The following DCAF15 variants were observed in gnomAD, a reference collection of about 807,000 sequenced individuals.
The protein encoded by DCAF15 is DDB1 and CUL4 associated factor 15, also known as DDB1- and CUL4-associated factor 15.
DCAF15 carries 24 observed loss-of-function variants against 68.0 expected under a neutral mutation model. That is an observed-to-expected ratio of 0.35 (90% CI 0.26 to 0.50). DCAF15 has a LOEUF of 0.50. Among genes scored for constraint, DCAF15 ranks in the 20% least tolerant of loss-of-function variants. The pLI is 0.98. For synonymous variants in DCAF15, 376 were observed against 341.6 expected, an observed-to-expected ratio of 1.10 and a Z score of -1.11; for missense variants, 627 against 830.6, an observed-to-expected ratio of 0.75 and a Z score of 3.01.
rs775206793 is a variant in DCAF15 at position 13,956,281 on chromosome 19, C to A, written c.613+19C>A. 2 of 1,611,426 alleles carry A rather than the reference C, an allele frequency of 1.2e-6. No individual in the cohort carries two copies. Among genetic ancestry groups the A allele is most frequent in the Non-Finnish European group, 1.7e-6 (2 of 1,179,026 alleles). The stretch of plus-strand genomic sequence containing the variant: ...CACCCAGGTGAGGGGGCCGAGGGGG[C>A]GAGGGCCTCTTCCCCCCTCCCCCCC... On this transcript the variant is annotated intron_variant, in intron 5 of 12. Transcript: ENST00000254337.
rs368117751 is a variant in DCAF15, at chr19:13,956,274, G to T, written c.613+12G>T. ...CCGAGCCCACCCAGGTGAGGGGGCCGAGGGGGCGAGGGCCTCTTCCCCCCT... is the reference window on the plus strand; with the variant it reads ...CCGAGCCCACCCAGGTGAGGGGGCCTAGGGGGCGAGGGCCTCTTCCCCCCT... On this transcript the variant is annotated intron_variant, in intron 5 of 12. Transcript: ENST00000254337. 6.2e-7 allele frequency: 1 copy of T among 1,611,984 alleles called. No homozygotes were observed. Among genetic ancestry groups the T allele is most frequent in the South Asian group, 1.1e-5 (1 of 90,996 alleles).
At chr19:13,956,559 T>A (rs946705172) in intron 6 of DCAF15, 37 bp downstream of exon 6, 2 of 1,606,664 alleles carry the variant, frequency 1.2e-6, no homozygotes, top group Non-Finnish European at 1.7e-6. Flanking sequence ...CGGCAACGCG[T>A]GAAGCGGGTC....
At chr19:13,953,204 C>T in intron 1 of DCAF15, 3 of 1,419,812 alleles carry the variant, frequency 2.1e-6, no homozygotes, top group Non-Finnish European at 1.9e-6. Flanking sequence ...CCGAAGCAGG[C>T]TCTGTCTCCT....
At position 13,959,564 on chromosome 19, in the gene DCAF15, C is replaced by A. The variant is rs371114810; in HGVS notation, c.1220-18C>A. On this transcript the variant is annotated intron_variant, in intron 7 of 12. Coordinates refer to ENST00000254337, the MANE Select transcript of DCAF15 (RefSeq NM_138353.4). Reference sequence around the variant, plus strand: ...CCCTGGCCTCCCTCCACCCCACCCCCACTTCCTGCCTCCCCAGAGTTGGAG... The same window carrying A: ...CCCTGGCCTCCCTCCACCCCACCCCAACTTCCTGCCTCCCCAGAGTTGGAG... The A allele has an allele frequency of 3.7e-6, 6 of 1,612,698 alleles. No individual in the cohort carries two copies. The highest frequency in any genetic ancestry group is 1.7e-5 in the Admixed American group (1 of 60,004).
Position 13,954,538 on chromosome 19 carries a change from G to A in DCAF15, c.243G>A (p.Leu81=). Residue 81 remains leucine, a synonymous_variant, in exon 3 of 13, where the codon CTG becomes CTA. Coordinates refer to ENST00000254337, the MANE Select transcript of DCAF15 (RefSeq NM_138353.4). ...EDFLYAGHIF[L]GFSKCGRYVL... is the part of the protein sequence containing the mutation. ...TCCACCCCCACAGACATATCTTCCT[G>A]GGCTTTTCCAAATGCGGCCGCTACG... The A allele has an allele frequency of 6.2e-7, 1 of 1,614,204 alleles. No individual in the cohort carries two copies. The highest frequency in any genetic ancestry group is 8.5e-7 in the Non-Finnish European group (1 of 1,180,034).
Position 13,959,610 on chromosome 19 carries a change from C to G in DCAF15, c.1248C>G (p.Pro416=), listed in dbSNP as rs563301517. 6.2e-7 allele frequency: 1 copy of G among 1,613,530 alleles called. No homozygotes were observed. Among genetic ancestry groups the G allele is most frequent in the East Asian group, 2.2e-5 (1 of 44,852 alleles). ...DELEDDKISL[P]FVVTDLRGRN... ...TGGAGGACGACAAGATCTCCCTGCC[C>G]TTCGTGGTGACTGATCTTCGTGGCC... Residue 416 remains proline (P), a synonymous_variant, in exon 8 of 13, where the codon CCC becomes CCG. Transcript: ENST00000254337.
rs1973108438 is a variant in DCAF15 at position 13,952,661 on chromosome 19, G to A, written c.132+17G>A. The A allele has an allele frequency of 7.8e-7, 1 of 1,288,152 alleles. No individual in the cohort carries two copies. Among genetic ancestry groups the A allele is most frequent in the Admixed American group, 4.0e-5 (1 of 25,270 alleles). The allele number at this position is 1,288,152 out of a possible 1,614,324, so 79.8% of individuals were successfully genotyped here. ...CGGGTCAAGGTGAGGCCTGGAGCCGGAGTGGGGAGCGCGCCGGAGGGTGGG... is the reference window on the plus strand; with the variant it reads ...CGGGTCAAGGTGAGGCCTGGAGCCGAAGTGGGGAGCGCGCCGGAGGGTGGG... On this transcript the variant is annotated intron_variant, in intron 1 of 12. Coordinates refer to ENST00000254337, the MANE Select transcript of DCAF15 (RefSeq NM_138353.4).
chr19:13,956,602 C>G (rs1973375761), intron 6 of DCAF15, 80 bp downstream of exon 6: 2 of 1,514,794 alleles, frequency 1.3e-6, no homozygotes, highest in African/African-American at 1.4e-5. Context: ...ACAAGGGGCC[C>G]CAGGCGTAGA....
intron 4 of DCAF15, 43 bp from the exon 5 acceptor site, chr19:13,956,080 C>T: frequency 6.2e-7 from 1 of 1,610,540 alleles, no homozygotes; most frequent in South Asian, 1.1e-5. Context: ...AGTGGGGGCC[C>T]CCCAGGCGCC....
intron 1 of DCAF15, chr19:13,953,115 G>A (rs367921705): frequency 1.5e-5 from 24 of 1,550,404 alleles, no homozygotes; most frequent in Non-Finnish European, 2.0e-5. Flanking sequence ...GGGAGTTCCA[G>A]TACCTGGGTG....
chr19:13,959,419 G>T lies in DCAF15; in HGVS notation c.1159G>T (p.Val387Phe). The T allele has an allele frequency of 6.2e-7, 1 of 1,609,002 alleles. No individual in the cohort carries two copies. The stretch of plus-strand genomic sequence containing the variant: ...GGCACCTGCCTCCGAGCCTGGCTAT[G>T]TCAACTACACCAAGCTGTACTATGT... ...SEAPASEPGY[V>F]NYTKLYYVLE... Residue 387 changes from valine to phenylalanine, a missense_variant, in exon 7 of 13, where the codon GTC (valine) becomes TTC (phenylalanine). Around this residue, in one of 3 missense-constraint regions of DCAF15, gnomAD observed 236 missense variants for 225.1 expected, o/e 1.05. Coordinates refer to ENST00000254337, the MANE Select transcript of DCAF15 (RefSeq NM_138353.4).
At position 13,960,112 on chromosome 19, in the gene DCAF15, A is replaced by G. The variant is rs780965835; in HGVS notation, c.1526+43A>G. ...GCCCTCTCTGTCCACTAGGGGGGCC[A>G]CTGGCAGACACTTCACGGTGGGGGT... On this transcript the variant is annotated intron_variant, in intron 10 of 12. Transcript: ENST00000254337. 11 of 1,606,454 alleles carry G rather than the reference A, an allele frequency of 6.8e-6. No homozygotes were observed. The Middle Eastern group carries it at 6.6e-4, about 97-fold the overall frequency.
chr19:13,956,279 G>GGCGAGGGC lies in DCAF15; in HGVS notation c.613+18_613+25dup. The GGCGAGGGC allele has an allele frequency of 6.2e-7, 1 of 1,611,868 alleles. No homozygotes were observed. The highest frequency in any genetic ancestry group is 2.2e-5 in the East Asian group (1 of 44,842). ...CCCACCCAGGTGAGGGGGCCGAGGG[G>GGCGAGGGC]GCGAGGGCCTCTTCCCCCCTCCCCC... On this transcript the variant is annotated intron_variant, in intron 5 of 12. Transcript: ENST00000254337.
intron 3 of DCAF15, 142 bp from the exon 4 acceptor site, chr19:13,955,770 G>A: frequency 2.6e-6 from 2 of 774,338 alleles, no homozygotes; most frequent in Non-Finnish European, 4.3e-6. Context: ...GCTGTCCTCA[G>A]GCAAGGTGGA....
chr19:13,952,717 G>T (rs1973115778), intron 1 of DCAF15, 73 bp downstream of exon 1: 1 of 1,304,902 alleles, frequency 7.7e-7, no homozygotes, highest in East Asian at 3.2e-5. Context: ...GAGGGAGGAG[G>T]GCGTTCGCGG....
Position 13,954,421 on chromosome 19 carries a change from G to A in DCAF15, c.214G>A (p.Asp72Asn). Reference sequence around the variant, plus strand: ...GTCCCTCAAGAACATTGTGGATGAGGACTTCCTCTATGCAGGGTGAGGCTG... The same window carrying A: ...GTCCCTCAAGAACATTGTGGATGAGAACTTCCTCTATGCAGGGTGAGGCTG... ...CVSLKNIVDE[D>N]FLYAGHIFLG... Residue 72 changes from aspartate to asparagine, a missense_variant, in exon 2 of 13, where the codon GAC becomes AAC. Physicochemically the swap from Asp to Asn is conservative, Grantham distance 23. This residue lies in a region of DCAF15 where 273 missense variants were observed against 393.7 expected (regional missense o/e 0.69). Coordinates refer to ENST00000254337, the MANE Select transcript of DCAF15 (RefSeq NM_138353.4). The A allele has an allele frequency of 6.2e-7, 1 of 1,612,426 alleles. No individual in the cohort carries two copies. The highest frequency in any genetic ancestry group is 8.5e-7 in the Non-Finnish European group (1 of 1,179,152).
At position 13,953,491 on chromosome 19, in the gene DCAF15, C is replaced by A. The variant is rs1233511438; in HGVS notation, c.132+847C>A. ...GGCTTGGCTGTGGTTCCGCCCTTAG[C>A]TTGGAAGCTCCTTGGGCAGGGACTG... On this transcript the variant is annotated intron_variant, in intron 1 of 12. Transcript: ENST00000254337. The A allele has an allele frequency of 2.0e-5, 4 of 198,658 alleles. No individual in the cohort carries two copies. The East Asian group carries it at 5.5e-4, about 27-fold the overall frequency. 12.3% of individuals were successfully genotyped at this position (198,658 alleles called of 1,614,324 possible). A position where few individuals can be genotyped will look rare whatever the true frequency, so the allele number is the denominator to read the frequency against.
Position 13,955,912 on chromosome 19 carries a change from G to T in DCAF15, c.367G>T (p.Val123Phe), listed in dbSNP as rs1304360453. 2 of 1,613,684 alleles carry T rather than the reference G, an allele frequency of 1.2e-6. No individual in the cohort carries two copies. The highest frequency in any genetic ancestry group is 1.7e-6 in the Non-Finnish European group (2 of 1,180,014). The change falls in exon 4 of 13, where the codon GTC becomes TTC. Residue 123 changes from valine to phenylalanine, a missense_variant and splice_region_variant. This residue lies in a region of DCAF15 where 273 missense variants were observed against 393.7 expected (regional missense o/e 0.69). Transcript: ENST00000254337. ...TGCTGCCCCTGAACGTGCCTCACAG[G>T]TCCGGCAGGTTCGGCTATTCCAGGA... is the stretch of plus-strand genomic sequence containing the variant. Reference protein sequence around the residue: ...EFNVHSKLKLVRQVRLFQDEE... With the variant: ...EFNVHSKLKLFRQVRLFQDEE...
chr19:13,959,564 C>T lies in DCAF15; in HGVS notation c.1220-18C>T, dbSNP rs371114810. On this transcript the variant is annotated intron_variant, in intron 7 of 12. Coordinates refer to ENST00000254337, the MANE Select transcript of DCAF15 (RefSeq NM_138353.4). ...CCCTGGCCTCCCTCCACCCCACCCC[C>T]ACTTCCTGCCTCCCCAGAGTTGGAG... 1.2e-6 allele frequency: 2 copies of T among 1,612,698 alleles called. No homozygotes were observed. Among genetic ancestry groups the T allele is most frequent in the Non-Finnish European group, 1.7e-6 (2 of 1,179,714 alleles).
Sources: allele counts gnomAD v4.1 joint callset, GRCh38; gene constraint gnomAD v4.1.1; regional missense constraint gnomAD v4.1.1; transcripts MANE v1.5; gene names NCBI Gene and HGNC (gene_info 2026-07-23, HGNC 2026-07-21).